Variants in FBLN7 observed in about 807,000 individuals in gnomAD.
The protein encoded by FBLN7 is fibulin-7.
Under a neutral mutation model 44.0 loss-of-function variants are expected in FBLN7, and 31 were observed. The ratio of observed to expected loss-of-function variants is 0.70; its 90% CI spans 0.53 to 0.95. FBLN7 has a LOEUF of 0.95. Among genes scored for constraint, FBLN7 ranks in the 40% least tolerant of loss-of-function variants. FBLN7 has a pLI of 0.00. For synonymous variants in FBLN7, 262 were observed against 253.4 expected, an observed-to-expected ratio of 1.03 and a Z score of -0.32; for missense variants, 573 against 618.5, an observed-to-expected ratio of 0.93 and a Z score of 0.78.
At chr2:112,226,589 C>CAA in the FBLN7 span, among the ~76,000 whole-genome samples, 2 of 74,226 alleles carry the variant, frequency 2.7e-5, no homozygotes, top group African/African-American at 1.2e-4. Context: ...GACTCCATCT[C>CAA]AAAAAAAAAA....
At chr2:112,141,271 T>A (rs10202871) in intron 1 of FBLN7, among the ~76,000 whole-genome samples, 1 of 152,138 alleles carries the variant, frequency 6.6e-6, no homozygotes, top group Non-Finnish European at 1.5e-5. Flanking sequence ...GAGGATGAGA[T>A]GTATTCAAGG....
At chr2:112,141,441 G>C (rs1270645103) in intron 1 of FBLN7, among the ~76,000 whole-genome samples, 1 of 152,210 alleles carries the variant, frequency 6.6e-6, no homozygotes, top group Non-Finnish European at 1.5e-5. Context: ...TACGGTGCAG[G>C]AAGGGATTCC....
In FBLN7 at chr2:112,146,031, T is replaced by G. The variant is rs556948887; in HGVS notation, c.75+7301T>G. Reference sequence around the variant, plus strand: ...ATCAGTTGTCTATGCCTATAAGAAATTCTACTGGGCCGGGCACTGTGGCTC... The same window carrying G: ...ATCAGTTGTCTATGCCTATAAGAAAGTCTACTGGGCCGGGCACTGTGGCTC... On this transcript the variant is annotated intron_variant, in intron 1 of 7. Coordinates refer to ENST00000331203, the MANE Select transcript of FBLN7 (RefSeq NM_153214.3). Among the ~76,000 whole-genome samples, 215 of 152,294 alleles carry G rather than the reference T, an allele frequency of 1.4e-3. 1 individual carries two copies. The highest frequency in any genetic ancestry group is 6.8e-3 in the Middle Eastern group (2 of 294).
chr2:112,154,125 T>C (rs968770435), intron 1 of FBLN7, among the ~76,000 whole-genome samples: 1 of 152,212 alleles, frequency 6.6e-6, no homozygotes, highest in Admixed American at 6.5e-5. Context: ...TTAAAGAGTT[T>C]CATAACAGAA....
chr2:112,184,848 T>C (rs185545234), intron 6 of FBLN7, among the ~76,000 whole-genome samples: 38 of 147,994 alleles, frequency 2.6e-4, no homozygotes, highest in Middle Eastern at 3.6e-3. Flanking sequence ...CACACACACA[T>C]ATATATATAT....
At chr2:112,197,943 G>A in the FBLN7 span, among the ~76,000 whole-genome samples, 1 of 152,112 alleles carries the variant, frequency 6.6e-6, no homozygotes, top group East Asian at 1.9e-4. Context: ...GCAGTAAAAA[G>A]ATGAAACAAG....
intron 7 of FBLN7, among the ~76,000 whole-genome samples, chr2:112,186,294 C>T (rs967266008): frequency 2.6e-5 from 4 of 152,082 alleles, no homozygotes; most frequent in Admixed American, 6.6e-5. Context: ...AAAGCATTTC[C>T]ACAAGACCCT....
chr2:112,238,404 A>C, the FBLN7 span: 8 of 1,613,706 alleles, frequency 5.0e-6, no homozygotes, highest in South Asian at 1.1e-5. Flanking sequence ...GTACTGTTGA[A>C]GCTCTTTGGC....
the FBLN7 span, among the ~76,000 whole-genome samples, chr2:112,220,409 A>C: frequency 6.6e-6 from 1 of 152,138 alleles, no homozygotes; most frequent in Non-Finnish European, 1.5e-5. Flanking sequence ...TGCTTATGAA[A>C]CTTAGTTTGG....
intron 6 of FBLN7, among the ~76,000 whole-genome samples, chr2:112,183,201 A>G (rs1683088959): frequency 6.6e-6 from 1 of 152,232 alleles, no homozygotes; most frequent in African/African-American, 2.4e-5. Context: ...GGTCTGGTCA[A>G]TTCTACCCAC....
At chr2:112,153,798 G>A (rs1681283234) in intron 1 of FBLN7, among the ~76,000 whole-genome samples, 1 of 152,212 alleles carries the variant, frequency 6.6e-6, no homozygotes, top group Non-Finnish European at 1.5e-5. Context: ...GGAGCCTGGT[G>A]ATCTCTGAGG....
chr2:112,237,772 G>A, the FBLN7 span, among the ~76,000 whole-genome samples: 29 of 151,796 alleles, frequency 1.9e-4, no homozygotes, highest in African/African-American at 6.8e-4. Context: ...TCACCATGTT[G>A]GCCAGGCTGG....
chr2:112,184,229 C>T (rs1265841603), intron 6 of FBLN7, among the ~76,000 whole-genome samples: 1 of 152,228 alleles, frequency 6.6e-6, no homozygotes, highest in Non-Finnish European at 1.5e-5. Flanking sequence ...CAGAGGGGAG[C>T]CCCGCTGGCT....
rs144624838 is a variant in FBLN7 at position 112,147,642 on chromosome 2, C to A, written c.75+8912C>A. On this transcript the variant is annotated intron_variant, in intron 1 of 7. Coordinates refer to ENST00000331203, the MANE Select transcript of FBLN7 (RefSeq NM_153214.3). ...TGCCCTCCCTGGGCTCGTGGCCCTG[C>A]GGCTACACAGGGGCTTTGGGAGAGA... 5.1e-4 allele frequency among the ~76,000 whole-genome samples: 78 copies of A among 152,234 alleles called. 3 individuals are homozygous for A. The East Asian group carries it at 0.015, about 29-fold the overall frequency.
At chr2:112,166,648 C>T (rs1285503003) in intron 3 of FBLN7, among the ~76,000 whole-genome samples, 1 of 152,218 alleles carries the variant, frequency 6.6e-6, no homozygotes, top group Non-Finnish European at 1.5e-5. Flanking sequence ...AGATCTCAAG[C>T]CAGGTTAAGC....
the FBLN7 span, among the ~76,000 whole-genome samples, chr2:112,225,493 G>T: frequency 6.6e-6 from 1 of 151,722 alleles, no homozygotes; most frequent in Non-Finnish European, 1.5e-5. Context: ...AAAGACTACA[G>T]TCAACATATT....
chr2:112,217,008 G>A, the FBLN7 span, among the ~76,000 whole-genome samples: 1 of 152,130 alleles, frequency 6.6e-6, no homozygotes, highest in Non-Finnish European at 1.5e-5. Flanking sequence ...ATTTTTGGTT[G>A]AGCCCGCAGA....
Position 112,187,669 on chromosome 2 carries a change from C to A in FBLN7, c.*163C>A. The A allele has an allele frequency of 3.3e-6, 3 of 903,526 alleles. No homozygotes were observed. The highest frequency in any genetic ancestry group is 5.0e-6 in the Non-Finnish European group (3 of 603,014). 56.0% of individuals were successfully genotyped at this position (903,526 alleles called of 1,614,324 possible). A position where few individuals can be genotyped will look rare whatever the true frequency, so the allele number is the denominator to read the frequency against. Reference sequence around the variant, plus strand: ...TTGCACGGCGCCCCATGGAATAGCACGGAAGAGCAGCCACAAAACTCAACT... The same window carrying A: ...TTGCACGGCGCCCCATGGAATAGCAAGGAAGAGCAGCCACAAAACTCAACT... On this transcript the variant is annotated 3_prime_UTR_variant, in exon 8 of 8. Coordinates refer to ENST00000331203, the MANE Select transcript of FBLN7 (RefSeq NM_153214.3). This position sits in a 1 kb window ranked among gnomAD's most constrained non-coding sequence, Gnocchi z 5.1.
At chr2:112,150,716 T>TA (rs1266537672) in intron 1 of FBLN7, among the ~76,000 whole-genome samples, 1 of 152,166 alleles carries the variant, frequency 6.6e-6, no homozygotes, top group African/African-American at 2.4e-5. Flanking sequence ...TTTCTTCCTC[T>TA]GAACAGTGGA....
Sources: allele counts gnomAD v4.1 joint callset (sites outside exome capture counted in the v4.1 genomes callset), GRCh38; gene constraint gnomAD v4.1.1; non-coding constraint Gnocchi (gnomAD v3.1); transcripts MANE v1.5; gene names NCBI Gene and HGNC (gene_info 2026-07-23, HGNC 2026-07-21).